MCM10: variants seen among roughly 807,000 people sequenced by gnomAD.
MCM10 encodes protein MCM10 homolog.
A neutral mutation model predicts 109.9 loss-of-function variants in MCM10; 91 were observed. That is an observed-to-expected ratio of 0.83 (90% confidence interval 0.70 to 0.99). MCM10 has a LOEUF of 0.99. MCM10 is among the 50% of genes least tolerant of loss of function. The pLI, the probability that MCM10 is intolerant of heterozygous loss-of-function variation, is 0.00. For missense variants in MCM10, 1,077 were observed against 1,061.2 expected, an observed-to-expected ratio of 1.01 and a Z score of -0.21; for synonymous variants, 380 against 387.2, an observed-to-expected ratio of 0.98 and a Z score of 0.22.
intron 2 of MCM10, among the ~76,000 whole-genome samples, chr10:13,169,106 A>G (rs1368956682): frequency 6.6e-6 from 1 of 152,220 alleles, no homozygotes; most frequent in Non-Finnish European, 1.5e-5. Context: ...GGCGCTGGCC[A>G]GGTAGAGAAC....
intron 8 of MCM10, 143 bp downstream of exon 8, chr10:13,183,243 G>A: frequency 1.1e-6 from 1 of 880,162 alleles, no homozygotes; most frequent in Non-Finnish European, 1.7e-6. Context: ...GATCACTTGA[G>A]CCCAGGAGTT....
intron 8 of MCM10, among the ~76,000 whole-genome samples, chr10:13,184,185 G>A (rs1284194972): frequency 6.6e-6 from 1 of 151,978 alleles, no homozygotes; most frequent in East Asian, 1.9e-4. Context: ...TAGAGACAGG[G>A]TTTCACTATG....
At chr10:13,175,472 G>T (rs1834128929) in intron 5 of MCM10, 38 bp from the exon 6 acceptor site, 1 of 1,564,672 alleles carries the variant, frequency 6.4e-7, no homozygotes, top group Admixed American at 1.7e-5. Flanking sequence ...GTGATTATCA[G>T]TGTGGTTGCC....
chr10:13,166,653 CATACATACATATATATATATAT>C lies in MCM10; in HGVS notation c.7+2448_7+2469del, dbSNP rs1186066583. On this transcript the variant is annotated intron_variant, in intron 2 of 19. Coordinates refer to ENST00000378714, the MANE Select transcript of MCM10 (RefSeq NM_018518.5). ...TCTGTCTCAAAAAAAAAAAAAAATA[CATACATACATATATATATATAT>C]ATATATATATATATCATCAGCTAAG... is the stretch of plus-strand genomic sequence containing the variant. Among the ~76,000 whole-genome samples the C allele has an allele frequency of 5.7e-3, 261 of 45,530 alleles. 9 individuals carry two copies. Among genetic ancestry groups the C allele is most frequent in the African/African-American group, 0.018 (229 of 12,520 alleles). The allele number at this position is 45,530 out of a possible 152,430, so 29.9% of individuals were successfully genotyped here.
At chr10:13,169,926 G>A (rs778604908) in intron 2 of MCM10, among the ~76,000 whole-genome samples, 1 of 152,116 alleles carries the variant, frequency 6.6e-6, no homozygotes, top group Non-Finnish European at 1.5e-5. Context: ...GGCTGGTCTT[G>A]AGCTCCTGAT....
rs1360385868 is a variant in MCM10, at chr10:13,197,706, C to T, written c.2058C>T (p.Asp686=). Residue 686 remains aspartate (D), a synonymous_variant, in exon 15 of 20, where the codon GAC becomes GAT. Transcript: ENST00000378714. ...ACAGCATTAAGAAGAAACAAAAGGA[C>T]CCTCAGGACATCCTGGAGGTGAAGG... ...NPNSIKKKQK[D]PQDILEVKER... 1 of 1,613,958 alleles carries T rather than the reference C, an allele frequency of 6.2e-7. No individual in the cohort carries two copies.
At chr10:13,199,786 C>G (rs112765634) in intron 16 of MCM10, among the ~76,000 whole-genome samples, 67 of 152,268 alleles carry the variant, frequency 4.4e-4, no homozygotes, top group Non-Finnish European at 7.4e-4. Flanking sequence ...GAAATGGAGG[C>G]TCACATAGGT....
At chr10:13,187,446 A>T (rs1398995241) in intron 9 of MCM10, among the ~76,000 whole-genome samples, 2 of 152,158 alleles carry the variant, frequency 1.3e-5, no homozygotes, top group Non-Finnish European at 2.9e-5. Context: ...ACACTCACAT[A>T]CAAGTTTTTA....
intron 2 of MCM10, among the ~76,000 whole-genome samples, chr10:13,167,946 A>G (rs1365115774): frequency 1.3e-5 from 2 of 152,196 alleles, no homozygotes; most frequent in Non-Finnish European, 2.9e-5. Context: ...GAGAACAAAG[A>G]GGCTGGGAGA....
In MCM10 at chr10:13,201,392, A is replaced by G. The variant is rs756365923; in HGVS notation, c.2239-29A>G. 3 of 1,410,270 alleles carry G rather than the reference A, an allele frequency of 2.1e-6. No individual in the cohort carries two copies. The Admixed American group carries it at 5.2e-5, about 24-fold the overall frequency. The allele number at this position is 1,410,270 out of a possible 1,614,324, so 87.4% of individuals were successfully genotyped here. On this transcript the variant is annotated intron_variant, in intron 16 of 19. Transcript: ENST00000378714. ...CTGAGTGCATACTGGATTTAGTACC[A>G]GGTCTTTCATTATGCCCTGTCATTC... is the stretch of plus-strand genomic sequence containing the variant.
In MCM10 at chr10:13,164,824, C is replaced by T. The variant is rs377201371; in HGVS notation, c.7+615C>T. 1.5e-4 allele frequency among the ~76,000 whole-genome samples: 23 copies of T among 151,862 alleles called. No individual in the cohort carries two copies. The East Asian group carries it at 3.3e-3, about 22-fold the overall frequency. ...CTGTGATCTCAACACTTTGGGAGGC[C>T]GGGGTGGGAGGATTGCTTGAGCCCA... On this transcript the variant is annotated intron_variant, in intron 2 of 19. Transcript: ENST00000378714.
At chr10:13,177,508 C>CTTTTTTTTTTTTTTTTTTTTTTTTTT (rs60316855) in intron 6 of MCM10, among the ~76,000 whole-genome samples, 3 of 105,266 alleles carry the variant, frequency 2.8e-5, no homozygotes, top group Non-Finnish European at 5.4e-5. Context: ...GATTTTGGAG[C>CTTTTTTTTTTTTTTTTTTTTTTTTTT]TTTTTTTTTT....
At chr10:13,203,875 T>C (rs545174796) in intron 17 of MCM10, among the ~76,000 whole-genome samples, 12 of 152,332 alleles carry the variant, frequency 7.9e-5, no homozygotes, top group African/African-American at 2.9e-4. Flanking sequence ...GTAATGACTC[T>C]AGCACAGACT....
At chr10:13,204,835 T>C (rs1198895385) in intron 18 of MCM10, among the ~76,000 whole-genome samples, 4 of 152,190 alleles carry the variant, frequency 2.6e-5, no homozygotes, top group South Asian at 4.1e-4. Flanking sequence ...AAGTCTCTGA[T>C]ATAAAATAGT....
intron 3 of MCM10, among the ~76,000 whole-genome samples, chr10:13,171,767 A>AT (rs548034964): frequency 0.045 from 6,661 of 146,650 alleles, 195 homozygotes; most frequent in Admixed American, 0.078. Flanking sequence ...AGTAAATATA[A>AT]TTTTTTTTTT....
intron 2 of MCM10, among the ~76,000 whole-genome samples, chr10:13,165,382 A>C (rs147537989): frequency 1.3e-5 from 2 of 152,212 alleles, no homozygotes; most frequent in East Asian, 3.9e-4. Flanking sequence ...GTTATTCCTT[A>C]TGTGAAACTC....
Position 13,180,519 on chromosome 10 carries a change from A to C in MCM10, c.842A>C (p.Glu281Ala). The C allele has an allele frequency of 6.2e-7, 1 of 1,614,090 alleles. No homozygotes were observed. The highest frequency in any genetic ancestry group is 8.5e-7 in the Non-Finnish European group (1 of 1,179,966). The change falls in exon 7 of 20, where the codon GAA becomes GCA. Residue 281 changes from glutamate (E) to alanine (A), a missense_variant. Glu to Ala is a moderately radical substitution (Grantham distance 107). Transcript: ENST00000378714. ...RKLIRLSQIK[E>A]KMAREKLEEI... ...CTGATCAGACTGTCTCAGATCAAGG[A>C]AAAGATGGCCAGAGAGAAGCTGGAA...
rs1364742950 is a variant in MCM10 at position 13,192,457 on chromosome 10, T to C, written c.1634T>C (p.Met545Thr). ...GTCTGGGCTTCTGTTTCAGGGATTA[T>C]GGGGAGCCCAAAACCAGCCATCAAG... Reference protein sequence around the residue: ...HLAKATASGIMGSPKPAIKSI... With the variant: ...HLAKATASGITGSPKPAIKSI... Residue 545 changes from methionine to threonine, a missense_variant, in exon 13 of 20, where the codon ATG becomes ACG. Physicochemically the swap from Met to Thr is moderately conservative, Grantham distance 81 (BLOSUM62 -1). Transcript: ENST00000378714. The C allele has an allele frequency of 2.5e-6, 4 of 1,614,038 alleles. No individual in the cohort carries two copies. Among genetic ancestry groups the C allele is most frequent in the Non-Finnish European group, 3.4e-6 (4 of 1,180,034 alleles).
chr10:13,180,758 C>A (rs1400154540), intron 7 of MCM10, 151 bp downstream of exon 7: 1 of 910,168 alleles, frequency 1.1e-6, no homozygotes, highest in Non-Finnish European at 1.7e-6. Context: ...GAGTTGGTAT[C>A]CAGCGGGTAT....
Sources: gnomAD v4.1 joint callset for allele counts (sites outside exome capture counted in the v4.1 genomes callset) on GRCh38, gnomAD v4.1.1 for gene constraint, MANE v1.5 for transcripts, NCBI Gene and HGNC (gene_info 2026-07-23, HGNC 2026-07-21) for gene names.